Variants in LOC128462377 observed in about 807,000 individuals in gnomAD.
chr16:89,340,230 C>T, the LOC128462377 span, among the ~76,000 whole-genome samples: 1 of 152,332 alleles, frequency 6.6e-6, no homozygotes, highest in African/African-American at 2.4e-5. Context: ...CATTCACAAA[C>T]ATGTCATCTT....
the LOC128462377 span, among the ~76,000 whole-genome samples, chr16:89,395,034 T>C: frequency 6.6e-6 from 1 of 152,170 alleles, no homozygotes; most frequent in Non-Finnish European, 1.5e-5. Context: ...GCAATCCAGA[T>C]CATCTTAAAA....
chr16:89,382,304 G>C, the LOC128462377 span, among the ~76,000 whole-genome samples: 1 of 150,320 alleles, frequency 6.7e-6, no homozygotes, highest in African/African-American at 2.4e-5. Context: ...AGACAGCCAG[G>C]CACCCGAAGT....
the LOC128462377 span, among the ~76,000 whole-genome samples, chr16:89,344,576 T>A: frequency 6.6e-6 from 1 of 152,162 alleles, no homozygotes. Flanking sequence ...TGCCTCAGCG[T>A]CTGAGGGATA....
the LOC128462377 span, among the ~76,000 whole-genome samples, chr16:89,386,301 AAGAC>A: frequency 3.3e-5 from 5 of 152,106 alleles, no homozygotes; most frequent in African/African-American, 1.2e-4. Flanking sequence ...CTTGATTATT[AAGAC>A]AGACAATGCA....
At chr16:89,355,501 G>T in the LOC128462377 span, among the ~76,000 whole-genome samples, 1 of 152,146 alleles carries the variant, frequency 6.6e-6, no homozygotes, top group Non-Finnish European at 1.5e-5. Flanking sequence ...GCTCCTCAGG[G>T]GTGAACGTGG....
At chr16:89,370,588 C>T in the LOC128462377 span, 76 of 152,608 alleles carry the variant, frequency 5.0e-4, no homozygotes, top group African/African-American at 1.7e-3. Flanking sequence ...CCAGGCAGCT[C>T]AGCGTCACCG....
the LOC128462377 span, among the ~76,000 whole-genome samples, chr16:89,399,164 C>G: frequency 1.3e-5 from 2 of 152,180 alleles, no homozygotes; most frequent in Admixed American, 6.5e-5. Flanking sequence ...CGAGTCCACG[C>G]AAGGACACCT....
At chr16:89,357,774 G>A in the LOC128462377 span, among the ~76,000 whole-genome samples, 1 of 152,218 alleles carries the variant, frequency 6.6e-6, no homozygotes, top group Non-Finnish European at 1.5e-5. Context: ...CCTGAGGGAG[G>A]AGTCTGGGAG....
chr16:89,335,356 G>A, the LOC128462377 span, among the ~76,000 whole-genome samples: 2 of 152,180 alleles, frequency 1.3e-5, no homozygotes, highest in South Asian at 4.1e-4. Context: ...AATCCACACC[G>A]AGGCATCCGT....
chr16:89,358,895 G>A, the LOC128462377 span, among the ~76,000 whole-genome samples: 1 of 152,038 alleles, frequency 6.6e-6, no homozygotes, highest in Non-Finnish European at 1.5e-5. Flanking sequence ...GTGCGATCAT[G>A]GCTCACCACA....
chr16:89,339,116 C>G, the LOC128462377 span, among the ~76,000 whole-genome samples: 1 of 152,150 alleles, frequency 6.6e-6, no homozygotes, highest in South Asian at 2.1e-4. Context: ...CCCAGGATCC[C>G]TGTAATTATA....
the LOC128462377 span, among the ~76,000 whole-genome samples, chr16:89,405,599 G>A: frequency 2.0e-5 from 3 of 151,296 alleles, no homozygotes; most frequent in Non-Finnish European, 4.4e-5. Flanking sequence ...CTCCCAAAGT[G>A]CTGGGATTAC....
chr16:89,383,184 G>A, the LOC128462377 span, among the ~76,000 whole-genome samples: 2 of 152,236 alleles, frequency 1.3e-5, no homozygotes, highest in South Asian at 4.1e-4. Context: ...AAAGGGAGCG[G>A]TGCGAGGTCA....
At chr16:89,413,741 T>C in the LOC128462377 span, among the ~76,000 whole-genome samples, 2 of 152,200 alleles carry the variant, frequency 1.3e-5, no homozygotes, top group African/African-American at 4.8e-5. Flanking sequence ...TGGAGCATTC[T>C]ACGGCAGGAC....
the LOC128462377 span, among the ~76,000 whole-genome samples, chr16:89,395,089 T>C: frequency 6.6e-6 from 1 of 152,124 alleles, no homozygotes; most frequent in Non-Finnish European, 1.5e-5. Flanking sequence ...TTAAACCAAG[T>C]GACCAGGCTG....
chr16:89,343,829 A>G, the LOC128462377 span: 1 of 152,322 alleles, frequency 6.6e-6, no homozygotes, highest in Non-Finnish European at 1.5e-5. Flanking sequence ...TGTCTGACAC[A>G]GTTTATGCTT....
chr16:89,387,224 C>T, the LOC128462377 span, among the ~76,000 whole-genome samples: 1 of 149,446 alleles, frequency 6.7e-6, no homozygotes, highest in African/African-American at 2.5e-5. Flanking sequence ...TCTGGAGTGC[C>T]AAGTTAAAAA....
chr16:89,364,978 AT>A, the LOC128462377 span, among the ~76,000 whole-genome samples: 1 of 152,230 alleles, frequency 6.6e-6, no homozygotes, highest in Non-Finnish European at 1.5e-5. Context: ...AAATTTTGGC[AT>A]GGAAATCACA....
the LOC128462377 span, among the ~76,000 whole-genome samples, chr16:89,359,149 T>C: frequency 2.6e-5 from 4 of 152,074 alleles, no homozygotes; most frequent in African/African-American, 9.7e-5. Context: ...AAAAGACTGA[T>C]TCTGGAAGAA....
Sources: allele counts gnomAD v4.1 joint callset (sites outside exome capture counted in the v4.1 genomes callset), GRCh38; gene constraint gnomAD v4.1.1; transcripts MANE v1.5.